The following ZDHHC11 variants were observed in gnomAD, a reference collection of about 807,000 sequenced individuals.
ZDHHC11 encodes zDHHC palmitoyltransferase 11, also known as palmitoyltransferase ZDHHC11.
Under a neutral mutation model 51.3 loss-of-function variants are expected in ZDHHC11, and 44 were observed. That is an observed-to-expected ratio of 0.86 (90% confidence interval 0.67 to 1.10). The LOEUF (loss-of-function observed/expected upper bound fraction) is 1.10. Ranked by LOEUF, ZDHHC11 falls within the 50% of genes least tolerant of loss-of-function variation. ZDHHC11 has a pLI of 0.00. For synonymous variants in ZDHHC11, 163 were observed against 222.0 expected (o/e 0.73, Z 2.36); for missense variants, 400 against 537.7 (o/e 0.74, Z 2.53).
intron 7 of ZDHHC11, among the ~76,000 whole-genome samples, chr5:825,751 G>A (rs1186514434): frequency 6.6e-6 from 1 of 152,274 alleles, no homozygotes; most frequent in Non-Finnish European, 1.5e-5. Context: ...CTCCGCTGCT[G>A]TCTCAAAAGT....
chr5:820,173 A>G (rs530129935), intron 9 of ZDHHC11, among the ~76,000 whole-genome samples: 2 of 151,588 alleles, frequency 1.3e-5, no homozygotes, highest in South Asian at 4.2e-4. Context: ...ATCTTGCCCA[A>G]AATGCATCAC....
At chr5:840,679 C>T (rs368879489) in intron 4 of ZDHHC11, 29 bp from the exon 5 acceptor site, 13 of 1,612,452 alleles carry the variant, frequency 8.1e-6, no homozygotes, top group Non-Finnish European at 1.0e-5. Flanking sequence ...GCCACTGTGT[C>T]CAGCACCTGC....
intron 11 of ZDHHC11, among the ~76,000 whole-genome samples, chr5:807,251 GT>G (rs1412489782): frequency 5.0e-5 from 2 of 40,286 alleles, no homozygotes; most frequent in African/African-American, 8.8e-5. Context: ...TGCCCTTTCT[GT>G]TAAAAAAAAA....
rs879629859 is a variant in ZDHHC11 at position 811,463 on chromosome 5, C to T, written c.1181+3298G>A. On this transcript the variant is annotated intron_variant, in intron 11 of 12. Transcript: ENST00000283441. ...ACTTCTCCTGGGCTACTTTTTCTGA[C>T]CCAGGAAGCTGCCTGCCTCTTGAGC... is the stretch of plus-strand genomic sequence containing the variant. Among the ~76,000 whole-genome samples the T allele has an allele frequency of 9.3e-3, 1,368 of 146,448 alleles. 14 individuals carry two copies. The highest frequency in any genetic ancestry group is 0.015 in the Non-Finnish European group (1,032 of 66,896).
At chr5:811,651 C>A (rs1341294639) in intron 11 of ZDHHC11, among the ~76,000 whole-genome samples, 4 of 149,734 alleles carry the variant, frequency 2.7e-5, no homozygotes, top group Non-Finnish European at 4.4e-5. Context: ...ATTGTGGCTC[C>A]CAGCGGAGTT....
chr5:823,970 T>C, intron 8 of ZDHHC11: 1 of 433,182 alleles, frequency 2.3e-6, no homozygotes, highest in Admixed American at 2.5e-5. Context: ...TTGCTGGAAG[T>C]GCAGGCAAGG....
At chr5:800,122 G>T (rs1220750880) in intron 12 of ZDHHC11, among the ~76,000 whole-genome samples, 3 of 151,316 alleles carry the variant, frequency 2.0e-5, no homozygotes, top group Non-Finnish European at 3.0e-5. Flanking sequence ...GGGCTGTGCT[G>T]CTGGGAGACC....
chr5:822,304 T>G (rs1269894305), intron 8 of ZDHHC11, among the ~76,000 whole-genome samples: 1 of 150,988 alleles, frequency 6.6e-6, no homozygotes, highest in African/African-American at 2.4e-5. Flanking sequence ...AGAGAACAGG[T>G]GGCCATCTAC....
intron 5 of ZDHHC11, among the ~76,000 whole-genome samples, chr5:838,261 C>G (rs1302808884): frequency 6.6e-6 from 1 of 152,000 alleles, no homozygotes; most frequent in African/African-American, 2.4e-5. Context: ...ACCTGATACA[C>G]CCGTTTATCT....
chr5:814,879 A>C, intron 10 of ZDHHC11, 84 bp from the exon 11 acceptor site: 1 of 1,346,870 alleles, frequency 7.4e-7, no homozygotes, highest in Non-Finnish European at 1.0e-6. Flanking sequence ...CAAGTTCATT[A>C]CTAGTCAGTT....
intron 1 of ZDHHC11, among the ~76,000 whole-genome samples, chr5:856,794 C>T (rs895325626): frequency 1.3e-5 from 2 of 151,506 alleles, no homozygotes; most frequent in Non-Finnish European, 1.5e-5. Flanking sequence ...ACACAAACCA[C>T]ACACAGAGCA....
At chr5:837,553 A>C in intron 5 of ZDHHC11, 73 bp from the exon 6 acceptor site, 1 of 1,516,716 alleles carries the variant, frequency 6.6e-7, no homozygotes, top group East Asian at 2.2e-5. Context: ...AGGACAGCTC[A>C]GCAGAGTGGC....
chr5:819,256 A>G (rs1296107885), intron 10 of ZDHHC11, among the ~76,000 whole-genome samples: 1 of 151,568 alleles, frequency 6.6e-6, no homozygotes, highest in Non-Finnish European at 1.5e-5. Context: ...GCATCTGCCC[A>G]TCACCGCAGC....
intron 11 of ZDHHC11, among the ~76,000 whole-genome samples, chr5:808,482 T>C (rs1463393469): frequency 3.4e-5 from 5 of 146,422 alleles, no homozygotes; most frequent in African/African-American, 1.2e-4. Context: ...CCTCACTCAG[T>C]TCCCTTTGGA....
chr5:823,044 C>T (rs28550248), intron 8 of ZDHHC11, among the ~76,000 whole-genome samples: 8,180 of 138,752 alleles, frequency 0.059, 471 homozygotes, highest in East Asian at 0.18. Context: ...TGGATGAAAG[C>T]ATATGACTTG....
chr5:828,418 ACCTCCCTCCTGGACGGGGCGGCCG>A, intron 7 of ZDHHC11, among the ~76,000 whole-genome samples: 1 of 146,466 alleles, frequency 6.8e-6, no homozygotes, highest in African/African-American at 2.5e-5. Context: ...GGTGCCCCCC[ACCTCCCTCCTGGACGGGGCGGCCG>A]GCCGGGTGGG....
chr5:829,487 G>A (rs1742790121), intron 7 of ZDHHC11, among the ~76,000 whole-genome samples: 1 of 151,850 alleles, frequency 6.6e-6, no homozygotes, highest in Admixed American at 6.6e-5. Flanking sequence ...ATAACAAGTA[G>A]CGAGATTGAA....
chr5:851,986 G>A (rs747968169), upstream of ZDHHC11, among the ~76,000 whole-genome samples: 9 of 151,796 alleles, frequency 5.9e-5, no homozygotes, highest in Non-Finnish European at 8.8e-5. Flanking sequence ...AACCTGGGAG[G>A]TCGAGGCTGC....
intron 11 of ZDHHC11, 111 bp downstream of exon 11, chr5:814,650 T>C (rs1227871615): frequency 8.4e-7 from 1 of 1,186,440 alleles, no homozygotes; most frequent in South Asian, 2.1e-5. Flanking sequence ...CTTTCCCTTA[T>C]GTCATCAGAT....
Sources: allele counts gnomAD v4.1 joint callset (sites outside exome capture counted in the v4.1 genomes callset), GRCh38; gene constraint gnomAD v4.1.1; transcripts MANE v1.5; gene names NCBI Gene and HGNC (gene_info 2026-07-23, HGNC 2026-07-21).